Variants in MKRN2OS observed in about 807,000 individuals in gnomAD.
MKRN2OS encodes the protein MKRN2 opposite strand.
MKRN2OS carries 17 observed loss-of-function variants against 18.2 expected under a neutral mutation model. That is an observed-to-expected ratio of 0.93 (90% CI 0.64 to 1.40). The LOEUF (loss-of-function observed/expected upper bound fraction) is 1.40, where lower values mean the gene tolerates loss of function less well. Among genes scored for constraint, MKRN2OS ranks in the 40% most tolerant of loss-of-function variants. MKRN2OS has a pLI of 0.00. For missense variants in MKRN2OS, 337 were observed against 283.0 expected, an observed-to-expected ratio of 1.19 and a Z score of -1.37; for synonymous variants, 121 against 108.5, an observed-to-expected ratio of 1.12 and a Z score of -0.72.
At position 12,540,406 on chromosome 3, in the gene MKRN2OS, G is replaced by A; in HGVS notation, c.459C>T (p.Tyr153=). The A allele has an allele frequency of 6.5e-7, 1 of 1,536,148 alleles. No homozygotes were observed. Among genetic ancestry groups the A allele is most frequent in the Non-Finnish European group, 8.7e-7 (1 of 1,146,906 alleles). The part of the protein sequence containing the change: ...HRYEDNHHNC[Y]SYALTFINCV... Reference sequence around the variant, plus strand: ...AGTTAATGAACGTGAGTGCGTAAGAGTAGCAGTTATGGTGGTTGTCTTCAT... The same window carrying A: ...AGTTAATGAACGTGAGTGCGTAAGAATAGCAGTTATGGTGGTTGTCTTCAT... The change falls in exon 4 of 4, where the codon TAC becomes TAT. Residue 153 remains tyrosine (Y), a synonymous_variant. Coordinates refer to ENST00000564146, the MANE Select transcript of MKRN2OS (RefSeq NM_001195279.2).
chr3:12,540,700 C>A (rs1045169185), intron 3 of MKRN2OS, among the ~76,000 whole-genome samples: 2 of 151,824 alleles, frequency 1.3e-5, no homozygotes, highest in African/African-American at 4.8e-5. Context: ...ATGGTGAAAC[C>A]CCGTCCCTAC....
At chr3:12,543,114 C>A (rs921151834) in intron 2 of MKRN2OS, 66 bp downstream of exon 2, 1 of 1,333,916 alleles carries the variant, frequency 7.5e-7, no homozygotes. Flanking sequence ...ATAATCAAAT[C>A]TCCACAAATA....
upstream of MKRN2OS, among the ~76,000 whole-genome samples, chr3:12,545,879 T>C (rs930104843): frequency 6.6e-6 from 1 of 152,196 alleles, no homozygotes; most frequent in Non-Finnish European, 1.5e-5. Flanking sequence ...CGATCTTGGC[T>C]CACTGCAACC....
chr3:12,553,016 C>CAAAAAAA (rs371579378), downstream of MKRN2OS, among the ~76,000 whole-genome samples: 1 of 102,022 alleles, frequency 9.8e-6, no homozygotes, highest in Non-Finnish European at 1.9e-5. Context: ...ACCCGGTCTC[C>CAAAAAAA]AAAAAAAAAA....
At chr3:12,557,035 G>GCCGGCGTGCC in intron 1 of MKRN2OS, 1 of 1,139,882 alleles carries the variant, frequency 8.8e-7, no homozygotes, top group Non-Finnish European at 1.1e-6. Context: ...GGCGGCGTGC[G>GCCGGCGTGCC]CCGGCGTGCG....
At chr3:12,548,365 G>A (rs9861920), upstream of MKRN2OS, among the ~76,000 whole-genome samples, 5 of 149,298 alleles carry the variant, frequency 3.3e-5, no homozygotes, top group East Asian at 1.0e-3. Context: ...GGAGAATGGC[G>A]TGAACCCGGG....
intron 1 of MKRN2OS, among the ~76,000 whole-genome samples, chr3:12,555,227 G>T (rs909257108): frequency 2.0e-5 from 3 of 148,288 alleles, no homozygotes; most frequent in Non-Finnish European, 3.0e-5. Flanking sequence ...CAGGAGAATC[G>T]CTTGAACACG....
chr3:12,554,286 CT>C (rs1480203247), intron 1 of MKRN2OS, among the ~76,000 whole-genome samples: 1 of 152,014 alleles, frequency 6.6e-6, no homozygotes, highest in Non-Finnish European at 1.5e-5. Flanking sequence ...TGGGGCAGGA[CT>C]TGGTGTTTAG....
intron 2 of MKRN2OS, among the ~76,000 whole-genome samples, chr3:12,542,300 CAG>C (rs2057825917): frequency 6.6e-6 from 1 of 152,168 alleles, no homozygotes; most frequent in Non-Finnish European, 1.5e-5. Flanking sequence ...CCCCAGGAAA[CAG>C]AGACAATGAT....
Position 12,543,873 on chromosome 3 carries a change from C to T in MKRN2OS, c.219-644G>A, listed in dbSNP as rs2057850065. On this transcript the variant is annotated intron_variant, in intron 1 of 3. Coordinates refer to ENST00000564146, the MANE Select transcript of MKRN2OS (RefSeq NM_001195279.2). ...CACCACTGCACTCCACCCTGGGCAA[C>T]AGAGTAAGACCCTGGTCTCAAAAAA... is the stretch of plus-strand genomic sequence containing the variant. Among the ~76,000 whole-genome samples, 5 of 140,078 alleles carry T rather than the reference C, an allele frequency of 3.6e-5. No individual in the cohort carries two copies. The South Asian group carries it at 1.1e-3, about 32-fold the overall frequency. The allele number at this position is 140,078 out of a possible 152,430, so 91.9% of individuals were successfully genotyped here.
upstream of MKRN2OS, among the ~76,000 whole-genome samples, chr3:12,549,878 A>G (rs2057916106): frequency 2.6e-5 from 4 of 152,132 alleles, no homozygotes; most frequent in South Asian, 8.3e-4. Flanking sequence ...AGTATTTCTT[A>G]TAGGGCAAGT....
chr3:12,560,478 T>TAGA (rs1553607586), intron 1 of MKRN2OS, among the ~76,000 whole-genome samples: 1 of 124,970 alleles, frequency 8.0e-6, no homozygotes, highest in Non-Finnish European at 1.7e-5. Flanking sequence ...TAGGAAAATG[T>TAGA]AAAAAAAAAA....
At chr3:12,545,004 A>G (rs910315396) in intron 1 of MKRN2OS, among the ~76,000 whole-genome samples, 12 of 152,244 alleles carry the variant, frequency 7.9e-5, no homozygotes, top group Non-Finnish European at 1.3e-4. Context: ...TCTGAAAATC[A>G]TATGAGCAGG....
upstream of MKRN2OS, among the ~76,000 whole-genome samples, chr3:12,547,402 G>A (rs1022978790): frequency 6.6e-6 from 1 of 152,066 alleles, no homozygotes; most frequent in Non-Finnish European, 1.5e-5. Context: ...AAATTAGCCA[G>A]ATTTGGTGGT....
In MKRN2OS at chr3:12,545,244, T is replaced by C. The variant is rs771410041; in HGVS notation, c.218+3A>G. On this transcript the variant is annotated splice_donor_region_variant and intron_variant, in intron 1 of 3. Transcript: ENST00000564146. ...CAATTTAACACTGTAAAAAACACTG[T>C]ACCTAAGAAATGTCCCCTGAGTTGG... is the stretch of plus-strand genomic sequence containing the variant. 2 of 1,529,980 alleles carry C rather than the reference T, an allele frequency of 1.3e-6. No homozygotes were observed. The highest frequency in any genetic ancestry group is 2.4e-5 in the South Asian group (2 of 83,318). The allele number at this position is 1,529,980 out of a possible 1,614,324, so 94.8% of individuals were successfully genotyped here. A position where few individuals can be genotyped will look rare whatever the true frequency, so the allele number is the denominator to read the frequency against.
chr3:12,552,397 ATTT>A (rs947992368), downstream of MKRN2OS, among the ~76,000 whole-genome samples: 5 of 144,960 alleles, frequency 3.4e-5, no homozygotes, highest in Non-Finnish European at 7.4e-5. Context: ...AGATATTTTA[ATTT>A]TTTTTAATTT....
At chr3:12,558,468 T>C (rs1451553244) in intron 1 of MKRN2OS, among the ~76,000 whole-genome samples, 2 of 152,218 alleles carry the variant, frequency 1.3e-5, no homozygotes, top group Non-Finnish European at 2.9e-5. Context: ...ATTCCTCCCC[T>C]CGCTCTATGG....
At chr3:12,545,661 C>G (rs557347633), upstream of MKRN2OS, 1 of 414,490 alleles carries the variant, frequency 2.4e-6, no homozygotes, top group South Asian at 8.2e-5. Context: ...GAGCTAGTTT[C>G]TATTTGTTTA....
chr3:12,559,935 C>T (rs1232130336), intron 1 of MKRN2OS, among the ~76,000 whole-genome samples: 1 of 152,078 alleles, frequency 6.6e-6, no homozygotes, highest in African/African-American at 2.4e-5. Context: ...ACCTAGGGGG[C>T]TTTTGATTCT....
Sources: allele counts gnomAD v4.1 joint callset (sites outside exome capture counted in the v4.1 genomes callset), GRCh38; gene constraint gnomAD v4.1.1; transcripts MANE v1.5; gene names NCBI Gene and HGNC (gene_info 2026-07-23, HGNC 2026-07-21).